The following FGFR2 variants were observed in gnomAD, a reference collection of about 807,000 sequenced individuals.
The protein encoded by FGFR2 is BEK fibroblast growth factor receptor.
In FGFR2, 19 loss-of-function variants were observed where a neutral mutation model predicts 95.9. The ratio of observed to expected loss-of-function variants is 0.20; its 90% CI spans 0.14 to 0.29. The LOEUF (loss-of-function observed/expected upper bound fraction) is 0.29, where lower values mean the gene tolerates loss of function less well. FGFR2 is among the 10% of genes least tolerant of loss of function. FGFR2 has a pLI of 1.00. For missense variants in FGFR2, 707 were observed against 1,056.9 expected, an observed-to-expected ratio of 0.67 and a Z score of 4.59; for synonymous variants, 392 against 393.3, an observed-to-expected ratio of 1.00 and a Z score of 0.04.
At position 121,478,532 on chromosome 10, in the gene FGFR2, C is replaced by CT. The variant is rs1422468464; in HGVS notation, c.*1324dup. 2 of 233,204 alleles carry CT rather than the reference C, an allele frequency of 8.6e-6. No individual in the cohort carries two copies. The highest frequency in any genetic ancestry group is 4.4e-5 in the African/African-American group (2 of 45,332). The allele number at this position is 233,204 out of a possible 1,614,324, so 14.4% of individuals were successfully genotyped here. ...GGTGTTTCCAAAGCAAAACACAATA[C>CT]TTTAGTACAGAAGGAACAACGGCGA... is the stretch of plus-strand genomic sequence containing the variant. On this transcript the variant is annotated 3_prime_UTR_variant, in exon 18 of 18. Coordinates refer to ENST00000358487, the MANE Select transcript of FGFR2 (RefSeq NM_000141.5).
At chr10:121,573,662 G>A (rs41302285) in intron 2 of FGFR2, among the ~76,000 whole-genome samples, 1,590 of 127,320 alleles carry the variant, frequency 0.012, 12 homozygotes, top group Non-Finnish European at 0.017. Context: ...GAGGGGAAGG[G>A]GAGAGGAGAA....
intron 13 of FGFR2, among the ~76,000 whole-genome samples, chr10:121,491,365 C>A (rs1379846145): frequency 6.6e-6 from 1 of 152,108 alleles, no homozygotes; most frequent in Non-Finnish European, 1.5e-5. Flanking sequence ...GCACAGGGAG[C>A]TGACCATTTT....
At chr10:121,554,393 C>T (rs1427536128) in intron 4 of FGFR2, among the ~76,000 whole-genome samples, 7 of 150,528 alleles carry the variant, frequency 4.7e-5, no homozygotes, top group African/African-American at 1.5e-4. Context: ...GGCTGGAGTG[C>T]AGTGGCGCGA....
At chr10:121,487,566 G>A in intron 14 of FGFR2, 142 bp from the exon 15 acceptor site, 1 of 725,702 alleles carries the variant, frequency 1.4e-6, no homozygotes. Context: ...CAGTCCCAAT[G>A]AGGACCATGA....
At chr10:121,503,984 T>A (rs2134068077) in intron 9 of FGFR2, 43 bp from the exon 10 acceptor site, 2 of 1,611,302 alleles carry the variant, frequency 1.2e-6, no homozygotes, top group South Asian at 2.2e-5. Context: ...CCTGGCTCCA[T>A]CTGAGAAGGC....
At chr10:121,526,585 T>C (rs983459600) in intron 6 of FGFR2, 2 of 397,522 alleles carry the variant, frequency 5.0e-6, no homozygotes, top group Admixed American at 4.4e-5. Flanking sequence ...AGGTCAGAAC[T>C]AAAAATGATT....
At chr10:121,572,458 A>C (rs949254756) in intron 2 of FGFR2, among the ~76,000 whole-genome samples, 6 of 152,048 alleles carry the variant, frequency 3.9e-5, no homozygotes, top group African/African-American at 9.7e-5. Context: ...CATCTCTATT[A>C]AATATAAAAA....
At chr10:121,561,379 G>A (rs1055342339) in intron 4 of FGFR2, among the ~76,000 whole-genome samples, 4 of 145,892 alleles carry the variant, frequency 2.7e-5, no homozygotes, top group Non-Finnish European at 4.5e-5. Flanking sequence ...AGCTGAGATC[G>A]CACCATTGCG....
intron 4 of FGFR2, among the ~76,000 whole-genome samples, chr10:121,558,696 T>C (rs1856530441): frequency 6.7e-6 from 1 of 149,578 alleles, no homozygotes; most frequent in Admixed American, 6.7e-5. Flanking sequence ...CAACCTCCAC[T>C]TCCCGGGTTC....
chr10:121,521,263 G>A lies in FGFR2; in HGVS notation c.749-1094C>T, dbSNP rs887367254. Among the ~76,000 whole-genome samples, 95 of 152,194 alleles carry A rather than the reference G, an allele frequency of 6.2e-4. 4 individuals are homozygous for A. The highest frequency in any genetic ancestry group is 2.9e-5 in the Non-Finnish European group (2 of 68,032). ...ACTGCCCTATAAAAGGGCAGAGATG[G>A]TATCCCAAAATTACTTCCTAGCTTC... is the stretch of plus-strand genomic sequence containing the variant. On this transcript the variant is annotated intron_variant, in intron 6 of 17. Transcript: ENST00000358487.
intron 2 of FGFR2, among the ~76,000 whole-genome samples, chr10:121,571,249 C>T (rs1160156783): frequency 6.7e-6 from 1 of 149,272 alleles, no homozygotes; most frequent in Non-Finnish European, 1.5e-5. Context: ...CCCACCTCAG[C>T]CTCCCAAAGT....
chr10:121,504,868 C>T (rs1321523166), intron 9 of FGFR2, among the ~76,000 whole-genome samples: 4 of 152,108 alleles, frequency 2.6e-5, no homozygotes, highest in South Asian at 2.1e-4. Flanking sequence ...TGGAAGGCCA[C>T]TTTTGAGGAT....
chr10:121,504,169 T>G (rs1341480607), intron 9 of FGFR2, among the ~76,000 whole-genome samples: 1 of 152,242 alleles, frequency 6.6e-6, no homozygotes, highest in East Asian at 1.9e-4. Context: ...GGTTTTTCTA[T>G]GAAATTTTTC....
chr10:121,545,793 T>C (rs930884096), intron 5 of FGFR2, among the ~76,000 whole-genome samples: 1 of 152,208 alleles, frequency 6.6e-6, no homozygotes, highest in African/African-American at 2.4e-5. Context: ...ACAACCAGTT[T>C]AGTAGTGATT....
At chr10:121,596,514 A>T (rs1863444243) in intron 1 of FGFR2, 3 of 194,308 alleles carry the variant, frequency 1.5e-5, no homozygotes, top group African/African-American at 2.3e-5. Context: ...ACATCAGGAA[A>T]GTCAACAGTG....
intron 6 of FGFR2, among the ~76,000 whole-genome samples, chr10:121,521,410 C>T (rs1312126476): frequency 6.6e-6 from 1 of 152,190 alleles, no homozygotes; most frequent in Non-Finnish European, 1.5e-5. Context: ...TTTGTGGAGA[C>T]AATCAAGCCA....
intron 2 of FGFR2, among the ~76,000 whole-genome samples, chr10:121,582,750 T>A (rs1344715984): frequency 2.0e-5 from 3 of 151,966 alleles, no homozygotes; most frequent in Non-Finnish European, 4.4e-5. Flanking sequence ...ACCACTGCAC[T>A]CCAGCCTGGG....
In FGFR2 at chr10:121,498,692, C is replaced by T; in HGVS notation, c.1562-87G>A. On this transcript the variant is annotated intron_variant, in intron 11 of 17. Coordinates refer to ENST00000358487, the MANE Select transcript of FGFR2 (RefSeq NM_000141.5). ...TTAGTTGCCAAAGACTTAGTTGAAA[C>T]AGCATGAAATTGAATTTCAGAATCA... 6 of 1,099,856 alleles carry T rather than the reference C, an allele frequency of 5.5e-6. No individual in the cohort carries two copies. In the South Asian group the frequency reaches 7.5e-5, roughly 14 times the overall value. 68.1% of individuals were successfully genotyped at this position (1,099,856 alleles called of 1,614,324 possible).
chr10:121,537,032 C>G (rs543881647), intron 6 of FGFR2, among the ~76,000 whole-genome samples: 1 of 152,204 alleles, frequency 6.6e-6, no homozygotes, highest in African/African-American at 2.4e-5. Context: ...TCAATGCCAA[C>G]ACAAATGTTA....
Sources: allele counts gnomAD v4.1 joint callset (sites outside exome capture counted in the v4.1 genomes callset), GRCh38; gene constraint gnomAD v4.1.1; transcripts MANE v1.5; gene names NCBI Gene and HGNC (gene_info 2026-07-23, HGNC 2026-07-21).